The following LRRC4C variants were observed in gnomAD, a reference collection of about 807,000 sequenced individuals.
LRRC4C encodes leucine-rich repeat-containing protein 4C.
In LRRC4C, 5 loss-of-function variants were observed where a neutral mutation model predicts 33.6. That is an observed-to-expected ratio of 0.15 (90% confidence interval 0.08 to 0.31). The LOEUF is 0.31. Ranked by LOEUF, LRRC4C falls within the 10% of genes least tolerant of loss-of-function variation. LRRC4C has a pLI of 1.00. For synonymous variants in LRRC4C, 329 were observed against 302.0 expected, an observed-to-expected ratio of 1.09 and a Z score of -0.93; for missense variants, 560 against 796.7, an observed-to-expected ratio of 0.70 and a Z score of 3.58.
At chr11:41,000,451 C>T (rs1169888076) in intron 1 of LRRC4C, among the ~76,000 whole-genome samples, 2 of 152,074 alleles carry the variant, frequency 1.3e-5, no homozygotes, top group African/African-American at 4.8e-5. Flanking sequence ...TACACAGAAT[C>T]GGTATATTCT....
chr11:40,166,121 A>G (rs774350974), intron 5 of LRRC4C, among the ~76,000 whole-genome samples: 1 of 152,216 alleles, frequency 6.6e-6, no homozygotes, highest in Non-Finnish European at 1.5e-5. Context: ...AAATGTGTAC[A>G]TATGTTCCAA....
chr11:40,401,018 G>A (rs1031927393), intron 3 of LRRC4C, among the ~76,000 whole-genome samples: 4 of 152,016 alleles, frequency 2.6e-5, no homozygotes, highest in African/African-American at 7.2e-5. Flanking sequence ...GTAAATGCTC[G>A]ATAAATATTT....
At chr11:40,279,323 T>C (rs548510546) in intron 4 of LRRC4C, among the ~76,000 whole-genome samples, 1 of 152,256 alleles carries the variant, frequency 6.6e-6, no homozygotes, top group Non-Finnish European at 1.5e-5. Context: ...ATGCAACAAA[T>C]CTGTTTCATT....
At chr11:40,262,310 A>C (rs1256559591) in intron 4 of LRRC4C, among the ~76,000 whole-genome samples, 1 of 152,152 alleles carries the variant, frequency 6.6e-6, no homozygotes, top group Non-Finnish European at 1.5e-5. Context: ...TCAGAATGGC[A>C]ATCATTAAAA....
intron 2 of LRRC4C, among the ~76,000 whole-genome samples, chr11:40,766,557 C>T (rs1474551006): frequency 3.3e-5 from 5 of 151,464 alleles, no homozygotes; most frequent in South Asian, 2.1e-4. Context: ...CTTTTTAAGA[C>T]TCAGACTATA....
At chr11:40,870,654 G>A (rs929306437) in intron 2 of LRRC4C, among the ~76,000 whole-genome samples, 1 of 152,116 alleles carries the variant, frequency 6.6e-6, no homozygotes, top group Admixed American at 6.5e-5. Flanking sequence ...CAATACCCTT[G>A]TGATTTCCTA....
chr11:41,415,386 G>A (rs1954639315), intron 1 of LRRC4C, among the ~76,000 whole-genome samples: 1 of 152,118 alleles, frequency 6.6e-6, no homozygotes, highest in African/African-American at 2.4e-5. Context: ...AGGAGTCCCC[G>A]AATGACTGAG....
At chr11:40,752,174 C>A (rs1166074401) in intron 2 of LRRC4C, among the ~76,000 whole-genome samples, 1 of 152,006 alleles carries the variant, frequency 6.6e-6, no homozygotes. Context: ...AGCGAAAACA[C>A]TTCAAGACGT....
rs565746474 is a variant in LRRC4C at position 41,444,897 on chromosome 11, G to A, written c.-496+14534C>T. On this transcript the variant is annotated intron_variant, in intron 1 of 6. Coordinates refer to ENST00000528697, the MANE Select transcript of LRRC4C (RefSeq NM_001258419.2). ...CAGCTCACTGCAACCTCCACCTCCCGGGTTCAAGTGATTCTCCTGCCTCAG... is the reference window on the plus strand; with the variant it reads ...CAGCTCACTGCAACCTCCACCTCCCAGGTTCAAGTGATTCTCCTGCCTCAG... 5.3e-3 allele frequency among the ~76,000 whole-genome samples: 808 copies of A among 151,112 alleles called. 8 individuals carry two copies. The highest frequency in any genetic ancestry group is 0.019 in the African/African-American group (771 of 41,100).
At chr11:40,352,462 A>G (rs760308000) in intron 3 of LRRC4C, among the ~76,000 whole-genome samples, 7 of 151,718 alleles carry the variant, frequency 4.6e-5, no homozygotes, top group Non-Finnish European at 1.0e-4. Context: ...TTTAAATTTT[A>G]TTTTATTATT....
intron 1 of LRRC4C, among the ~76,000 whole-genome samples, chr11:41,305,227 T>C (rs1274909822): frequency 3.2e-5 from 1 of 30,860 alleles, no homozygotes; most frequent in Non-Finnish European, 7.7e-5. Flanking sequence ...GGGAGGGAGG[T>C]GGGGGGGTCA....
intron 2 of LRRC4C, among the ~76,000 whole-genome samples, chr11:40,741,723 T>G (rs1340125970): frequency 6.6e-6 from 1 of 152,106 alleles, no homozygotes; most frequent in Non-Finnish European, 1.5e-5. Context: ...TAAAGATTTT[T>G]CAATGAAATT....
chr11:41,131,473 T>A (rs372483472), intron 1 of LRRC4C, among the ~76,000 whole-genome samples: 2 of 152,148 alleles, frequency 1.3e-5, no homozygotes, highest in African/African-American at 4.8e-5. Flanking sequence ...GTATGATATT[T>A]TGACTTTGAA....
intron 2 of LRRC4C, among the ~76,000 whole-genome samples, chr11:40,916,735 A>C (rs980129890): frequency 1.3e-5 from 2 of 151,918 alleles, no homozygotes; most frequent in Middle Eastern, 3.4e-3. Flanking sequence ...AAAATAAAAA[A>C]ATTTCAGAAA....
chr11:40,351,328 T>G (rs942762995), intron 3 of LRRC4C, among the ~76,000 whole-genome samples: 1 of 152,088 alleles, frequency 6.6e-6, no homozygotes, highest in Non-Finnish European at 1.5e-5. Flanking sequence ...ACATGTGTTC[T>G]ATCCTTGAGA....
chr11:41,407,832 A>C (rs1337694519), intron 1 of LRRC4C, among the ~76,000 whole-genome samples: 1 of 152,160 alleles, frequency 6.6e-6, no homozygotes, highest in Non-Finnish European at 1.5e-5. Flanking sequence ...TGGTGTCACC[A>C]CACTCTGGTC....
At chr11:40,577,781 C>A (rs1434763832) in intron 3 of LRRC4C, among the ~76,000 whole-genome samples, 1 of 151,820 alleles carries the variant, frequency 6.6e-6, no homozygotes, top group African/African-American at 2.4e-5. Flanking sequence ...TGTTCTACAT[C>A]CTTTAAAACC....
At chr11:41,209,240 A>G (rs1488695054) in intron 1 of LRRC4C, among the ~76,000 whole-genome samples, 1 of 149,572 alleles carries the variant, frequency 6.7e-6, no homozygotes, top group African/African-American at 2.4e-5. Context: ...TTAAATATAC[A>G]TAAATATTAA....
At chr11:41,070,494 G>A (rs1938598940) in intron 1 of LRRC4C, among the ~76,000 whole-genome samples, 2 of 152,038 alleles carry the variant, frequency 1.3e-5, no homozygotes, top group African/African-American at 2.4e-5. Flanking sequence ...TACAGAATGG[G>A]AGAAAATTTT....
Sources: allele counts gnomAD v4.1 joint callset (sites outside exome capture counted in the v4.1 genomes callset), GRCh38; gene constraint gnomAD v4.1.1; transcripts MANE v1.5; gene names NCBI Gene and HGNC (gene_info 2026-07-23, HGNC 2026-07-21).